ZNF765: variants seen among roughly 807,000 people sequenced by gnomAD.
ZNF765 encodes zinc finger protein 765.
A neutral mutation model predicts 44.7 loss-of-function variants in ZNF765; 37 were observed. The observed-to-expected ratio is 0.83, with a 90% confidence interval of 0.64 to 1.09. The LOEUF is 1.09. ZNF765 is among the 50% of genes least tolerant of loss of function. ZNF765 has a pLI of 0.00. For missense variants in ZNF765, 594 were observed against 626.1 expected (o/e 0.95, Z 0.55); for synonymous variants, 201 against 213.7 (o/e 0.94, Z 0.52).
At position 53,408,075 on chromosome 19, in the gene ZNF765, G is replaced by C. The variant is rs757394137; in HGVS notation, c.520G>C (p.Val174Leu). 7 of 1,614,076 alleles carry C rather than the reference G, an allele frequency of 4.3e-6. No homozygotes were observed. Among genetic ancestry groups the C allele is most frequent in the Non-Finnish European group, 5.9e-6 (7 of 1,180,002 alleles). The change falls in exon 4 of 4, where the codon GTT (valine) becomes CTT (leucine). Residue 174 changes from valine to leucine, a missense_variant. Physicochemically the swap from Val to Leu is conservative, Grantham distance 32 (BLOSUM62 1). This residue lies in a region of ZNF765 where 567 missense variants were observed against 572.6 expected (regional missense o/e 0.99). Coordinates refer to ENST00000396408, the MANE Select transcript of ZNF765 (RefSeq NM_001040185.3). The stretch of plus-strand genomic sequence containing the variant: ...GAAGTCTATCCACGATGCTTCCTTG[G>C]TTTCAACAGCCCAAAGAATTTCTTG... Reference protein sequence around the residue: ...VVKSIHDASLVSTAQRISCRP... With the variant: ...VVKSIHDASLLSTAQRISCRP...
At chr19:53,396,064 A>C (rs1265534420) in intron 1 of ZNF765, among the ~76,000 whole-genome samples, 1 of 151,170 alleles carries the variant, frequency 6.6e-6, no homozygotes, top group East Asian at 1.9e-4. Flanking sequence ...GTACAGAGAG[A>C]TGAAGGACAG....
intron 1 of ZNF765, among the ~76,000 whole-genome samples, chr19:53,396,893 C>T (rs1329538666): frequency 6.6e-6 from 1 of 152,250 alleles, no homozygotes; most frequent in African/African-American, 2.4e-5. Context: ...TCTTTAGGCA[C>T]AGGCTGATAT....
Position 53,397,615 on chromosome 19 carries a change from A to C in ZNF765, c.-73-328A>C, listed in dbSNP as rs563361678. ...CCAGGCTGGTCTCAAACCTGAGCTC[A>C]AGAGATCTACGCACCTCGGCCTCCC... On this transcript the variant is annotated intron_variant, in intron 1 of 3. Coordinates refer to ENST00000396408, the MANE Select transcript of ZNF765 (RefSeq NM_001040185.3). Among the ~76,000 whole-genome samples, 5 of 151,938 alleles carry C rather than the reference A, an allele frequency of 3.3e-5. No homozygotes were observed. In the East Asian group the frequency reaches 9.7e-4, roughly 29 times the overall value.
rs746162299 is a variant in ZNF765 at position 53,408,316 on chromosome 19, C to T, written c.761C>T (p.Ser254Leu). 1.5e-5 allele frequency: 25 copies of T among 1,614,014 alleles called. No homozygotes were observed. The highest frequency in any genetic ancestry group is 2.7e-5 in the African/African-American group (2 of 74,910). ...GATATATGTGGCAAGGTCTTTAATT[C>T]GAAGCGATACGTTGCACGCCATCGT... ...KCDICGKVFNSKRYVARHRRC... is the reference protein window; with the variant it reads ...KCDICGKVFNLKRYVARHRRC... Residue 254 changes from serine (S) to leucine (L), a missense_variant, in exon 4 of 4, where the codon TCG (serine) becomes TTG (leucine). Physicochemically the swap from Ser to Leu is moderately radical, Grantham distance 145. This residue lies in a region of ZNF765 where 567 missense variants were observed against 572.6 expected (regional missense o/e 0.99). Transcript: ENST00000396408.
intron 3 of ZNF765, among the ~76,000 whole-genome samples, chr19:53,420,772 G>T (rs982288620): frequency 1.3e-5 from 2 of 152,122 alleles, no homozygotes; most frequent in Non-Finnish European, 2.9e-5. Flanking sequence ...AGTATGCTTG[G>T]TAAAAGTCAT....
intron 2 of ZNF765, among the ~76,000 whole-genome samples, chr19:53,399,552 G>A (rs1311994255): frequency 6.6e-6 from 1 of 151,874 alleles, no homozygotes; most frequent in Admixed American, 6.6e-5. Flanking sequence ...GTGATGGCAC[G>A]TGCCCCTAAT....
chr19:53,400,312 T>G (rs915096155), intron 2 of ZNF765, among the ~76,000 whole-genome samples: 2 of 152,198 alleles, frequency 1.3e-5, no homozygotes, highest in Non-Finnish European at 2.9e-5. Context: ...ATTGGCTGAA[T>G]GACAAATGGG....
chr19:53,398,261 C>A (rs560050771), intron 2 of ZNF765, among the ~76,000 whole-genome samples: 1 of 152,270 alleles, frequency 6.6e-6, no homozygotes, highest in East Asian at 1.9e-4. Flanking sequence ...GGCTCACACC[C>A]AGACATGGAT....
Position 53,409,050 on chromosome 19 carries a change from T to G in ZNF765, c.1495T>G (p.Cys499Gly). The G allele has an allele frequency of 1.2e-6, 2 of 1,613,938 alleles. No homozygotes were observed. Among genetic ancestry groups the G allele is most frequent in the Middle Eastern group, 1.6e-4 (1 of 6,062 alleles). ...TGQKPYKCED[C>G]DEAFSFKSNL... ...ACAGAAACCTTACAAATGTGAAGAT[T>G]GTGATGAAGCTTTCAGTTTCAAATC... Residue 499 changes from cysteine to glycine, a missense_variant, in exon 4 of 4, where the codon TGT becomes GGT. Coordinates refer to ENST00000396408, the MANE Select transcript of ZNF765 (RefSeq NM_001040185.3).
chr19:53,400,102 G>A (rs7259550), intron 2 of ZNF765, among the ~76,000 whole-genome samples: 6 of 152,046 alleles, frequency 3.9e-5, no homozygotes, highest in South Asian at 2.1e-4. Flanking sequence ...ATGAGCCACC[G>A]CATCTGGCCC....
At position 53,411,583 on chromosome 19, in the gene ZNF765, C is replaced by G. The variant is rs112639120; in HGVS notation, c.*2456C>G. The G allele has an allele frequency of 4.6e-5, 7 of 152,400 alleles. No individual in the cohort carries two copies. In the East Asian group the frequency reaches 1.4e-3, roughly 29 times the overall value. 9.4% of individuals were successfully genotyped at this position (152,400 alleles called of 1,614,324 possible). A position where few individuals can be genotyped will look rare whatever the true frequency, so the allele number is the denominator to read the frequency against. ...CTGGGATTACAGGCGTGAGCCACTGCGCCCAGCCCCAGTGATAAGGATTTT... is the reference window on the plus strand; with the variant it reads ...CTGGGATTACAGGCGTGAGCCACTGGGCCCAGCCCCAGTGATAAGGATTTT... On this transcript the variant is annotated 3_prime_UTR_variant, in exon 4 of 4. Coordinates refer to ENST00000396408, the MANE Select transcript of ZNF765 (RefSeq NM_001040185.3).
At position 53,409,338 on chromosome 19, in the gene ZNF765, C is replaced by A; in HGVS notation, c.*211C>A. ...GAGTCATACGTCATCTTTTGTGTACCATCATAAACTTCATAGTGGAGAGAC... is the reference window on the plus strand; with the variant it reads ...GAGTCATACGTCATCTTTTGTGTACAATCATAAACTTCATAGTGGAGAGAC... On this transcript the variant is annotated 3_prime_UTR_variant, in exon 4 of 4. Coordinates refer to ENST00000396408, the MANE Select transcript of ZNF765 (RefSeq NM_001040185.3). The A allele has an allele frequency of 1.2e-6, 1 of 843,174 alleles. No homozygotes were observed. The highest frequency in any genetic ancestry group is 2.0e-6 in the Non-Finnish European group (1 of 488,508). 52.2% of individuals were successfully genotyped at this position (843,174 alleles called of 1,614,324 possible). A position where few individuals can be genotyped will look rare whatever the true frequency, so the allele number is the denominator to read the frequency against.
At chr19:53,414,480 CACACACA>C (rs1568786055), downstream of ZNF765, among the ~76,000 whole-genome samples, 85 of 8,640 alleles carry the variant, frequency 9.8e-3, 7 homozygotes, top group Non-Finnish European at 0.019. Flanking sequence ...CACACACACA[CACACACA>C]CACCCCCCCC....
downstream of ZNF765, among the ~76,000 whole-genome samples, chr19:53,416,596 G>A (rs934332539): frequency 3.3e-5 from 5 of 151,786 alleles, no homozygotes; most frequent in South Asian, 2.1e-4. Flanking sequence ...AATTATTACC[G>A]TCTGGGATAT....
exon 4 of ZNF765, chr19:53,426,490 T>C: frequency 6.6e-6 from 1 of 151,928 alleles, no homozygotes; most frequent in Non-Finnish European, 1.5e-5. Flanking sequence ...TTTTCCAAAG[T>C]CAAGCTGCAC....
chr19:53,425,486 G>A (rs2085933874), exon 4 of ZNF765: 1 of 151,970 alleles, frequency 6.6e-6, no homozygotes, highest in Non-Finnish European at 1.5e-5. Flanking sequence ...TTTTATTTTT[G>A]TATTTTGTAG....
At chr19:53,403,630 G>C (rs1291305854) in intron 3 of ZNF765, among the ~76,000 whole-genome samples, 1 of 152,174 alleles carries the variant, frequency 6.6e-6, no homozygotes, top group African/African-American at 2.4e-5. Context: ...AATCACCTGA[G>C]GTCAGGAGTT....
At chr19:53,407,595 C>T in intron 3 of ZNF765, 103 bp from the exon 4 acceptor site, 1 of 896,794 alleles carries the variant, frequency 1.1e-6, no homozygotes. Flanking sequence ...GTCATGTTTG[C>T]AAAGTTTAAA....
chr19:53,399,955 C>T (rs1439754891), intron 2 of ZNF765, among the ~76,000 whole-genome samples: 2 of 152,086 alleles, frequency 1.3e-5, no homozygotes, highest in East Asian at 1.9e-4. Flanking sequence ...GCTGAAATTA[C>T]AGGGGCCTGC....
Sources: gnomAD v4.1 joint callset for allele counts (sites outside exome capture counted in the v4.1 genomes callset) on GRCh38, gnomAD v4.1.1 for gene constraint, gnomAD v4.1.1 regional missense constraint, MANE v1.5 for transcripts, NCBI Gene and HGNC (gene_info 2026-07-23, HGNC 2026-07-21) for gene names.